Variants in AGBL4 observed in about 807,000 individuals in gnomAD.
AGBL4 encodes cytosolic carboxypeptidase 6.
In AGBL4, 58 loss-of-function variants were observed where a neutral mutation model predicts 66.4. That is an observed-to-expected ratio of 0.87 (90% CI 0.71 to 1.09). The LOEUF (loss-of-function observed/expected upper bound fraction) is 1.09. Among genes scored for constraint, AGBL4 ranks in the 50% least tolerant of loss-of-function variants. AGBL4 has a pLI of 0.00. For missense variants in AGBL4, 579 were observed against 631.0 expected (o/e 0.92, Z 0.88); for synonymous variants, 234 against 222.9 (o/e 1.05, Z -0.44).
chr1:49,262,385 A>G (rs1653275622), intron 3 of AGBL4, among the ~76,000 whole-genome samples: 1 of 152,196 alleles, frequency 6.6e-6, no homozygotes, highest in Admixed American at 6.5e-5. Context: ...AAAATGGGAG[A>G]AAATTTTCAC....
intron 3 of AGBL4, among the ~76,000 whole-genome samples, chr1:49,288,237 A>T (rs1272416884): frequency 2.1e-4 from 25 of 117,658 alleles, no homozygotes; most frequent in African/African-American, 8.1e-4. Context: ...GGGGGGAGGG[A>T]TAGCATTGGG....
chr1:48,582,248 A>G (rs1383428652), intron 11 of AGBL4, among the ~76,000 whole-genome samples: 1 of 135,338 alleles, frequency 7.4e-6, no homozygotes, highest in Non-Finnish European at 1.7e-5. Flanking sequence ...TTAAAACTCA[A>G]TAAAAAAGTA....
At chr1:49,233,104 C>T (rs1650453706) in intron 4 of AGBL4, among the ~76,000 whole-genome samples, 1 of 152,140 alleles carries the variant, frequency 6.6e-6, no homozygotes, top group African/African-American at 2.4e-5. Context: ...GAGCATATCT[C>T]TGATTATTTC....
chr1:48,611,461 T>A (rs1021661331), intron 9 of AGBL4, among the ~76,000 whole-genome samples: 3 of 152,236 alleles, frequency 2.0e-5, no homozygotes, highest in African/African-American at 7.2e-5. Flanking sequence ...ATTACTTTTA[T>A]TTTTTTCTTC....
At chr1:49,568,523 A>ACACACACACACAC (rs56393842) in intron 3 of AGBL4, among the ~76,000 whole-genome samples, 18 of 151,548 alleles carry the variant, frequency 1.2e-4, no homozygotes, top group South Asian at 2.1e-4. Flanking sequence ...ACACACACAC[A>ACACACACACACAC]AATGCCATGC....
chr1:49,694,070 G>A (rs1328407675), intron 3 of AGBL4, among the ~76,000 whole-genome samples: 6 of 152,066 alleles, frequency 3.9e-5, no homozygotes, highest in Admixed American at 3.9e-4. Flanking sequence ...AGCTAGACCT[G>A]TTTATACAAT....
chr1:48,534,394 T>G, intron 13 of AGBL4, 101 bp from the exon 14 acceptor site: 1 of 1,409,058 alleles, frequency 7.1e-7, no homozygotes, highest in Non-Finnish European at 9.4e-7. Context: ...GACTGTAGCC[T>G]CCCAGGAACA....
chr1:49,400,279 C>T (rs1645057013), intron 3 of AGBL4, among the ~76,000 whole-genome samples: 1 of 152,160 alleles, frequency 6.6e-6, no homozygotes, highest in South Asian at 2.1e-4. Flanking sequence ...GTTTTGGTTA[C>T]TGTAGCTCTG....
intron 3 of AGBL4, among the ~76,000 whole-genome samples, chr1:49,576,642 C>T (rs777282318): frequency 1.3e-5 from 2 of 152,294 alleles, no homozygotes; most frequent in Middle Eastern, 3.4e-3. Flanking sequence ...TGCACAGCAG[C>T]GTTCCATCAT....
At chr1:48,627,716 T>C (rs868634688) in intron 9 of AGBL4, among the ~76,000 whole-genome samples, 2 of 152,138 alleles carry the variant, frequency 1.3e-5, no homozygotes. Flanking sequence ...CAAGTTGTTA[T>C]AGCAACACAG....
intron 3 of AGBL4, among the ~76,000 whole-genome samples, chr1:49,476,467 T>C (rs190477078): frequency 1.5e-3 from 225 of 152,156 alleles, no homozygotes; most frequent in African/African-American, 5.2e-3. Flanking sequence ...TCATTAGTTT[T>C]CTGCCTCGAT....
At chr1:49,430,636 C>T (rs1645764828) in intron 3 of AGBL4, among the ~76,000 whole-genome samples, 1 of 152,160 alleles carries the variant, frequency 6.6e-6, no homozygotes, top group South Asian at 2.1e-4. Flanking sequence ...CTTTAAATTG[C>T]ATTAAATTAT....
chr1:49,874,460 A>C (rs541410723), intron 1 of AGBL4, among the ~76,000 whole-genome samples: 132 of 152,222 alleles, frequency 8.7e-4, no homozygotes, highest in African/African-American at 3.1e-3. Flanking sequence ...ATGCTAAAAA[A>C]CCCAATAAAG....
At chr1:49,784,149 T>A (rs1376304801) in intron 2 of AGBL4, among the ~76,000 whole-genome samples, 2 of 152,030 alleles carry the variant, frequency 1.3e-5, no homozygotes, top group Non-Finnish European at 2.9e-5. Flanking sequence ...TATATAGAAA[T>A]GCAAGGGACT....
chr1:49,233,155 T>C (rs1650456430), intron 4 of AGBL4, among the ~76,000 whole-genome samples: 1 of 152,132 alleles, frequency 6.6e-6, no homozygotes, highest in Non-Finnish European at 1.5e-5. Flanking sequence ...CTAGTTGAGG[T>C]AAATATCTGA....
At chr1:49,280,619 A>G (rs1644255496) in intron 3 of AGBL4, among the ~76,000 whole-genome samples, 1 of 152,248 alleles carries the variant, frequency 6.6e-6, no homozygotes, top group Non-Finnish European at 1.5e-5. Context: ...AGAGGTAGAT[A>G]TTAAGGTCCA....
intron 5 of AGBL4, among the ~76,000 whole-genome samples, chr1:48,970,802 G>T (rs761836711): frequency 1.3e-5 from 2 of 152,108 alleles, no homozygotes; most frequent in African/African-American, 2.4e-5. Flanking sequence ...AAGAGGCTAT[G>T]AGTGCTACTT....
chr1:49,583,804 A>G (rs1644593209), intron 3 of AGBL4, among the ~76,000 whole-genome samples: 1 of 152,174 alleles, frequency 6.6e-6, no homozygotes, highest in Non-Finnish European at 1.5e-5. Context: ...TCTGTCAGCA[A>G]CCACCTATCA....
chr1:49,411,088 C>A (rs1645305103), intron 3 of AGBL4, among the ~76,000 whole-genome samples: 2 of 152,160 alleles, frequency 1.3e-5, no homozygotes, highest in African/African-American at 2.4e-5. Context: ...AAGAAGCCAG[C>A]AGTGGTTCGG....
Sources: gnomAD v4.1 joint callset for allele counts (sites outside exome capture counted in the v4.1 genomes callset) on GRCh38, gnomAD v4.1.1 for gene constraint, MANE v1.5 for transcripts, NCBI Gene and HGNC (gene_info 2026-07-23, HGNC 2026-07-21) for gene names.